Variants in PIEZO1 observed in about 807,000 individuals in gnomAD.
PIEZO1 encodes the protein piezo type mechanosensitive ion channel component 1 (Er blood group), also known as piezo-type mechanosensitive ion channel component 1.
Under a neutral mutation model 297.2 loss-of-function variants are expected in PIEZO1, and 296 were observed. That is an observed-to-expected ratio of 1.00 (90% confidence interval 0.91 to 1.10). The LOEUF (loss-of-function observed/expected upper bound fraction) is 1.10. PIEZO1 is among the 50% of genes least tolerant of loss of function. PIEZO1 has a pLI of 0.00. For synonymous variants in PIEZO1, 2,427 were observed against 1,507.5 expected (o/e 1.61, Z -14.13); for missense variants, 5,018 against 3,455.5 (o/e 1.45, Z -11.34).
intron 22 of PIEZO1, among the ~76,000 whole-genome samples, chr16:88,730,999 G>T (rs568837557): frequency 6.6e-6 from 1 of 152,172 alleles, no homozygotes; most frequent in African/African-American, 2.4e-5. Context: ...CCCCTGAGCC[G>T]GCCACGTGCA....
At chr16:88,761,680 G>A (rs972818294) in intron 1 of PIEZO1, among the ~76,000 whole-genome samples, 2 of 151,884 alleles carry the variant, frequency 1.3e-5, no homozygotes, top group Admixed American at 1.3e-4. Context: ...CCCACCCCAC[G>A]CGTGAGACAT....
chr16:88,726,439 G>T lies in PIEZO1; in HGVS notation c.3813C>A (p.Asp1271Glu). 1.3e-6 allele frequency: 2 copies of T among 1,550,180 alleles called. No homozygotes were observed. The highest frequency in any genetic ancestry group is 1.7e-6 in the Non-Finnish European group (2 of 1,146,710). ...KGYYDPKEMM[D>E]RDQDCLLPVE... ...CAGGCAGCAGGCAGTCCTGGTCTCT[G>T]TCCATCATCTCCTTGGCTGCAAGGC... Residue 1271 changes from aspartate to glutamate, a missense_variant, in exon 27 of 51, where the codon GAC becomes GAA. By Grantham distance (45) the Asp-to-Glu change is conservative. Transcript: ENST00000301015.
In PIEZO1 at chr16:88,733,846, C is replaced by G. The variant is rs558616524; in HGVS notation, c.2329+60G>C. ...CCAGAGGGGACTCTGCCAACGCCCC[C>G]CGAGCTGGGACATGGCACAGCAGAC... On this transcript the variant is annotated intron_variant, in intron 17 of 50. Transcript: ENST00000301015. The G allele has an allele frequency of 6.9e-5, 101 of 1,461,938 alleles. No homozygotes were observed. In the African/African-American group the frequency reaches 1.3e-3, roughly 18 times the overall value. The allele number at this position is 1,461,938 out of a possible 1,614,324, so 90.6% of individuals were successfully genotyped here.
At chr16:88,748,405 G>A (rs771948143) in intron 2 of PIEZO1, among the ~76,000 whole-genome samples, 6 of 16,910 alleles carry the variant, frequency 3.5e-4, no homozygotes, top group Admixed American at 6.5e-4. Context: ...TGGCCTCACC[G>A]CCCTCTGTTT....
rs775758668 is a variant in PIEZO1 at position 88,738,262 on chromosome 16, T to C, written c.813A>G (p.Ala271=). 9.8e-6 allele frequency: 15 copies of C among 1,535,826 alleles called. No homozygotes were observed. In the South Asian group the frequency reaches 1.8e-4, roughly 18 times the overall value. ...ICLYCYQMPL[A]QALLPPAGIW... is the part of the protein sequence containing the mutation. The stretch of plus-strand genomic sequence containing the variant: ...TGCCGGCAGGCGGGAGCAGAGCCTG[T>C]GCCAAGGGCATCTGGTAGCAGTAGA... The change falls in exon 7 of 51, where the codon GCA becomes GCG. Residue 271 remains alanine (A), a synonymous_variant. Coordinates refer to ENST00000301015, the MANE Select transcript of PIEZO1 (RefSeq NM_001142864.4).
At chr16:88,717,396 T>G in intron 44 of PIEZO1, 185 bp from the exon 45 acceptor site, 1 of 651,272 alleles carries the variant, frequency 1.5e-6, no homozygotes, top group Non-Finnish European at 2.8e-6. Flanking sequence ...GGAACCCTCA[T>G]GTTCAGGGGT....
chr16:88,740,206 C>G (rs539927905), intron 5 of PIEZO1: 1 of 152,294 alleles, frequency 6.6e-6, no homozygotes, highest in Admixed American at 6.5e-5. Context: ...GAGGGTCGCC[C>G]GGGGGCCCTG....
At chr16:88,770,262 C>T (rs138672095) in intron 1 of PIEZO1, among the ~76,000 whole-genome samples, 4 of 152,296 alleles carry the variant, frequency 2.6e-5, no homozygotes, top group South Asian at 2.1e-4. Context: ...GACGTATCCC[C>T]GAGACCTCTC....
chr16:88,723,410 G>A (rs1483139392), intron 31 of PIEZO1, 82 bp from the exon 32 acceptor site: 30 of 1,463,782 alleles, frequency 2.0e-5, no homozygotes, highest in East Asian at 7.4e-5. Flanking sequence ...CAAGCCGGGC[G>A]CCAGATCCAG....
intron 1 of PIEZO1, among the ~76,000 whole-genome samples, chr16:88,761,961 G>A (rs1005830733): frequency 3.9e-5 from 6 of 152,198 alleles, no homozygotes; most frequent in Non-Finnish European, 7.3e-5. Context: ...GACTCTCTGC[G>A]CAGGTGGGTT....
In PIEZO1 at chr16:88,727,187, A is replaced by C. The variant is rs1597450896; in HGVS notation, c.3307T>G (p.Phe1103Val). 1.3e-6 allele frequency: 2 copies of C among 1,539,682 alleles called. No homozygotes were observed. ...TGGGAGGCGCACAGCAGCAGGAGAA[A>C]GTCGCCTGCAGGACACAGGAGCCGC... is the stretch of plus-strand genomic sequence containing the variant. ...APNSTNLISDFLLLLCASQQW... is the reference protein window; with the variant it reads ...APNSTNLISDVLLLLCASQQW... The change falls in exon 24 of 51, where the codon TTT (phenylalanine) becomes GTT (valine). Residue 1103 changes from phenylalanine (F) to valine (V), a missense_variant. Physicochemically the swap from Phe to Val is conservative, Grantham distance 50. Transcript: ENST00000301015.
chr16:88,762,242 G>C (rs1038318563), intron 1 of PIEZO1, among the ~76,000 whole-genome samples: 5 of 148,622 alleles, frequency 3.4e-5, no homozygotes, highest in African/African-American at 1.2e-4. Context: ...GCAGAGCCCA[G>C]CTGAAGAAAG....
intron 42 of PIEZO1, 41 bp from the exon 43 acceptor site, chr16:88,720,001 G>A: frequency 1.9e-6 from 3 of 1,549,026 alleles, no homozygotes; most frequent in Admixed American, 2.0e-5. Context: ...ATCAGAAACA[G>A]CCCCGCAGGG....
intron 43 of PIEZO1, 23 bp downstream of exon 43, chr16:88,719,779 C>A (rs762856032): frequency 1.3e-6 from 2 of 1,550,332 alleles, no homozygotes; most frequent in Admixed American, 3.9e-5. Flanking sequence ...CCGTGACCCC[C>A]ACCCCGGCGG....
intron 22 of PIEZO1, among the ~76,000 whole-genome samples, chr16:88,730,617 A>AAT (rs1904739420): frequency 6.8e-6 from 1 of 146,262 alleles, no homozygotes; most frequent in Non-Finnish European, 1.5e-5. Context: ...AAAAAAAAAA[A>AAT]AAAGGGTTCT....
chr16:88,778,278 C>A (rs1907762844), intron 1 of PIEZO1, among the ~76,000 whole-genome samples: 1 of 152,156 alleles, frequency 6.6e-6, no homozygotes, highest in African/African-American at 2.4e-5. Flanking sequence ...ATTTTAGCCG[C>A]CCATCCACAG....
At position 88,767,335 on chromosome 16, in the gene PIEZO1, G is replaced by A. The variant is rs906381908; in HGVS notation, c.64+17566C>T. ...TCCTGCCCATGAGGAAGGAGGTCAGGGGGCTGTGCTGGGAGAGCTTTAAGT... is the reference window on the plus strand; with the variant it reads ...TCCTGCCCATGAGGAAGGAGGTCAGAGGGCTGTGCTGGGAGAGCTTTAAGT... On this transcript the variant is annotated intron_variant, in intron 1 of 50. Transcript: ENST00000301015. Among the ~76,000 whole-genome samples the A allele has an allele frequency of 5.3e-5, 8 of 152,280 alleles. No homozygotes were observed. In the South Asian group the frequency reaches 1.5e-3, roughly 28 times the overall value.
chr16:88,750,974 A>G (rs966350408), intron 1 of PIEZO1, among the ~76,000 whole-genome samples: 6 of 151,450 alleles, frequency 4.0e-5, no homozygotes, highest in Non-Finnish European at 7.4e-5. Context: ...TGCTCCCACC[A>G]TGACCCCAAA....
chr16:88,718,523 A>C (rs1198057064), intron 44 of PIEZO1: 1 of 152,304 alleles, frequency 6.6e-6, no homozygotes, highest in Non-Finnish European at 1.5e-5. Context: ...CCATACTGCC[A>C]CGTGGGTGGA....
Sources: allele counts gnomAD v4.1 joint callset (sites outside exome capture counted in the v4.1 genomes callset), GRCh38; gene constraint gnomAD v4.1.1; transcripts MANE v1.5; gene names NCBI Gene and HGNC (gene_info 2026-07-23, HGNC 2026-07-21).